NXN: variants seen among roughly 807,000 people sequenced by gnomAD.
The protein encoded by NXN is nucleoredoxin 1.
Under a neutral mutation model 48.6 loss-of-function variants are expected in NXN, and 16 were observed. That is an observed-to-expected ratio of 0.33 (90% CI 0.22 to 0.50). The LOEUF is 0.50. Ranked by LOEUF, NXN falls within the 20% of genes least tolerant of loss-of-function variation. The pLI is 0.98. For missense variants in NXN, 492 were observed against 605.5 expected, an observed-to-expected ratio of 0.81 and a Z score of 1.97; for synonymous variants, 281 against 269.6, an observed-to-expected ratio of 1.04 and a Z score of -0.41.
In NXN at chr17:810,161, C is replaced by T. The variant is rs1253203303; in HGVS notation, c.821-4914G>A. Reference sequence around the variant, plus strand: ...GTTACGAGTCTGTGACTGGCGTGCACGTTACGAGTCTGTGACTGGCGTGCA... The same window carrying T: ...GTTACGAGTCTGTGACTGGCGTGCATGTTACGAGTCTGTGACTGGCGTGCA... On this transcript the variant is annotated intron_variant, in intron 5 of 7. Coordinates refer to ENST00000336868, the MANE Select transcript of NXN (RefSeq NM_022463.5). Among the ~76,000 whole-genome samples, 4 of 102,254 alleles carry T rather than the reference C, an allele frequency of 3.9e-5. 1 individual carries two copies. Among genetic ancestry groups the T allele is most frequent in the South Asian group, 7.0e-4 (2 of 2,846 alleles). 67.1% of individuals were successfully genotyped at this position (102,254 alleles called of 152,430 possible).
At chr17:940,238 T>C (rs947200564) in intron 1 of NXN, among the ~76,000 whole-genome samples, 1 of 101,148 alleles carries the variant, frequency 9.9e-6, no homozygotes, top group Non-Finnish European at 1.7e-5. Flanking sequence ...CTGGCCTCAA[T>C]TTTTTTTTTT....
chr17:858,032 G>A (rs985014673), intron 1 of NXN, among the ~76,000 whole-genome samples: 1 of 150,386 alleles, frequency 6.6e-6, no homozygotes, highest in Non-Finnish European at 1.5e-5. Flanking sequence ...GTGCAGTGGC[G>A]CAATCTTGGC....
chr17:970,829 T>A (rs541567354), intron 1 of NXN, among the ~76,000 whole-genome samples: 1 of 152,308 alleles, frequency 6.6e-6, no homozygotes, highest in South Asian at 2.1e-4. Context: ...TACTGATTAC[T>A]AGTTGCTGGA....
At chr17:898,335 C>T (rs1336482772) in intron 1 of NXN, among the ~76,000 whole-genome samples, 1 of 152,088 alleles carries the variant, frequency 6.6e-6, no homozygotes. Flanking sequence ...CTGGGACACA[C>T]CCCTCTTCAG....
At chr17:889,771 A>AAGAG (rs1416761183) in intron 1 of NXN, among the ~76,000 whole-genome samples, 11 of 149,680 alleles carry the variant, frequency 7.3e-5, no homozygotes, top group Non-Finnish European at 1.5e-4. Context: ...AAAAGAAAGA[A>AAGAG]AGAAAAGAGA....
intron 1 of NXN, among the ~76,000 whole-genome samples, chr17:953,150 C>G: frequency 6.6e-6 from 1 of 151,146 alleles, no homozygotes; most frequent in Non-Finnish European, 1.5e-5. Context: ...TCCCTGAAGT[C>G]CAAACGGAAG....
At chr17:856,280 A>C (rs2067985357) in intron 1 of NXN, among the ~76,000 whole-genome samples, 1 of 152,182 alleles carries the variant, frequency 6.6e-6, no homozygotes, top group East Asian at 1.9e-4. Context: ...TAAAACCCTG[A>C]GTAAGAGGAG....
At chr17:953,171 T>C (rs925806212) in intron 1 of NXN, among the ~76,000 whole-genome samples, 1 of 152,180 alleles carries the variant, frequency 6.6e-6, no homozygotes, top group African/African-American at 2.4e-5. Context: ...ACTATGACCC[T>C]TGGGAGGCCG....
chr17:876,660 A>G (rs1876537683), intron 1 of NXN, among the ~76,000 whole-genome samples: 1 of 152,186 alleles, frequency 6.6e-6, no homozygotes, highest in Non-Finnish European at 1.5e-5. Context: ...TTACTTTCAC[A>G]CTAGAATACC....
chr17:901,576 G>A (rs773317072), intron 1 of NXN, among the ~76,000 whole-genome samples: 1 of 152,160 alleles, frequency 6.6e-6, no homozygotes, highest in African/African-American at 2.4e-5. Flanking sequence ...CACCTCCCCC[G>A]TGAAAACCAG....
intron 1 of NXN, among the ~76,000 whole-genome samples, chr17:960,615 C>CT (rs71145801): frequency 0.83 from 126,732 of 151,946 alleles, 56,038 homozygotes; most frequent in Non-Finnish European, 0.98. Flanking sequence ...AGTAGCTGAA[C>CT]TACAGGCACA....
At chr17:866,465 C>A (rs896189070) in intron 1 of NXN, among the ~76,000 whole-genome samples, 1 of 151,990 alleles carries the variant, frequency 6.6e-6, no homozygotes, top group Non-Finnish European at 1.5e-5. Context: ...CTCAGGTACT[C>A]GGGAGGCTGA....
chr17:838,227 G>A (rs1913939404), intron 1 of NXN, among the ~76,000 whole-genome samples: 1 of 146,282 alleles, frequency 6.8e-6, no homozygotes, highest in South Asian at 2.1e-4. Flanking sequence ...TGCCTCCTGG[G>A]TTCAAGCAAT....
intron 1 of NXN, among the ~76,000 whole-genome samples, chr17:826,361 G>A (rs968136224): frequency 3.5e-4 from 54 of 152,242 alleles, no homozygotes; most frequent in Admixed American, 2.0e-3. Context: ...GGTGGAGGCT[G>A]ATGACCCCAC....
chr17:803,803 G>T lies in NXN; in HGVS notation c.1004C>A (p.Ser335Tyr). 1.2e-6 allele frequency: 2 copies of T among 1,614,144 alleles called. No individual in the cohort carries two copies. Among genetic ancestry groups the T allele is most frequent in the South Asian group, 2.2e-5 (2 of 91,084 alleles). The change falls in exon 7 of 8, where the codon TCT becomes TAT. Residue 335 changes from serine (S) to tyrosine (Y), a missense_variant. By Grantham distance (144) the Ser-to-Tyr change is moderately radical. Transcript: ENST00000336868. ...EGPCLVLFVD[S>Y]EDDGESEAAK... is the part of the protein sequence containing the mutation. ...CGCCTCGGACTCTCCGTCATCCTCA[G>T]AATCTGTGATTGGGTCGGGGGTAGA...
intron 1 of NXN, among the ~76,000 whole-genome samples, chr17:891,363 C>T (rs1486950740): frequency 2.0e-5 from 3 of 152,214 alleles, no homozygotes; most frequent in Admixed American, 6.5e-5. Flanking sequence ...CCACTGCACC[C>T]GGCCTAAATC....
chr17:962,720 A>G (rs1261026253), intron 1 of NXN, among the ~76,000 whole-genome samples: 1 of 152,194 alleles, frequency 6.6e-6, no homozygotes, highest in African/African-American at 2.4e-5. Context: ...AAGCCACAGC[A>G]TAATAGAAGT....
intron 1 of NXN, among the ~76,000 whole-genome samples, chr17:934,953 T>C (rs1054747779): frequency 1.3e-5 from 2 of 151,998 alleles, no homozygotes; most frequent in Non-Finnish European, 2.9e-5. Context: ...CTGCCACTCA[T>C]TATTGCATCA....
intron 1 of NXN, among the ~76,000 whole-genome samples, chr17:874,540 T>C (rs1291919341): frequency 1.3e-5 from 2 of 152,230 alleles, no homozygotes; most frequent in Non-Finnish European, 2.9e-5. Flanking sequence ...GCCGAGATCA[T>C]GCCACTGCAC....
Sources: gnomAD v4.1 joint callset for allele counts (sites outside exome capture counted in the v4.1 genomes callset) on GRCh38, gnomAD v4.1.1 for gene constraint, MANE v1.5 for transcripts, NCBI Gene and HGNC (gene_info 2026-07-23, HGNC 2026-07-21) for gene names.